THADA: variants seen among roughly 807,000 people sequenced by gnomAD.
THADA encodes the protein THADA armadillo repeat containing.
In THADA, 213 loss-of-function variants were observed where a neutral mutation model predicts 219.8. The ratio of observed to expected loss-of-function variants is 0.97; its 90% CI spans 0.87 to 1.09. The LOEUF (loss-of-function observed/expected upper bound fraction) is 1.09, where lower values mean the gene tolerates loss of function less well. THADA is among the 50% of genes least tolerant of loss of function. The pLI is 0.00. For synonymous variants in THADA, 1,018 were observed against 828.9 expected, an observed-to-expected ratio of 1.23 and a Z score of -3.92; for missense variants, 2,956 against 2,311.3, an observed-to-expected ratio of 1.28 and a Z score of -5.72.
chr2:43,343,181 C>T (rs1397403623), intron 30 of THADA: 3 of 152,206 alleles, frequency 2.0e-5, no homozygotes, highest in African/African-American at 7.2e-5. Context: ...GCATGCACCA[C>T]CATACCTGGC....
At chr2:43,408,472 T>C (rs1196376075) in intron 28 of THADA, 1 of 152,220 alleles carries the variant, frequency 6.6e-6, no homozygotes, top group Non-Finnish European at 1.5e-5. Context: ...GTCAGCACAT[T>C]GGCAGAATTT....
intron 31 of THADA, among the ~76,000 whole-genome samples, chr2:43,314,983 C>T (rs1156742985): frequency 6.6e-6 from 1 of 152,240 alleles, no homozygotes; most frequent in Non-Finnish European, 1.5e-5. Flanking sequence ...ATAATCTTCT[C>T]TGCCTTTCTC....
intron 31 of THADA, among the ~76,000 whole-genome samples, chr2:43,303,592 T>A (rs951621417): frequency 6.6e-6 from 1 of 152,006 alleles, no homozygotes; most frequent in Admixed American, 6.6e-5. Flanking sequence ...ATATAATTTT[T>A]AAAAGATGCA....
intron 28 of THADA, among the ~76,000 whole-genome samples, chr2:43,415,385 T>C (rs1471681671): frequency 6.6e-6 from 1 of 152,286 alleles, no homozygotes; most frequent in Non-Finnish European, 1.5e-5. Context: ...TGGAGTCACA[T>C]CTGGCCCTTC....
chr2:43,477,403 T>C (rs1210267226), intron 26 of THADA, among the ~76,000 whole-genome samples: 1 of 152,218 alleles, frequency 6.6e-6, no homozygotes, highest in Non-Finnish European at 1.5e-5. Context: ...TCAGCATTTC[T>C]AGTCAGTGAA....
intron 19 of THADA, 30 bp downstream of exon 19, chr2:43,551,759 C>A (rs1376286080): frequency 1.3e-6 from 2 of 1,597,332 alleles, no homozygotes; most frequent in South Asian, 2.3e-5. Flanking sequence ...CAAACCACAG[C>A]ACTCTAGCCG....
chr2:43,450,493 T>C (rs1015175295), intron 26 of THADA, among the ~76,000 whole-genome samples: 1 of 151,732 alleles, frequency 6.6e-6, no homozygotes, highest in Admixed American at 6.6e-5. Flanking sequence ...AAAATAGTTA[T>C]AGAATATACA....
At chr2:43,476,810 T>A (rs189199250) in intron 26 of THADA, among the ~76,000 whole-genome samples, 9 of 152,320 alleles carry the variant, frequency 5.9e-5, no homozygotes, top group African/African-American at 2.2e-4. Context: ...ATAGGCACTA[T>A]CTTCCCCATA....
At chr2:43,384,213 A>G (rs1672368942) in intron 29 of THADA, among the ~76,000 whole-genome samples, 1 of 152,200 alleles carries the variant, frequency 6.6e-6, no homozygotes, top group African/African-American at 2.4e-5. Flanking sequence ...GTAACAAAGT[A>G]AATCACACAT....
chr2:43,588,292 C>CAA (rs59607755), intron 4 of THADA, among the ~76,000 whole-genome samples: 21 of 98,740 alleles, frequency 2.1e-4, no homozygotes, highest in African/African-American at 6.3e-4. Flanking sequence ...AAAAGTTGAG[C>CAA]AAAAAAAAAA....
Position 43,289,813 on chromosome 2 carries a change from G to C in THADA, c.5010+1883C>G, listed in dbSNP as rs556629748. Among the ~76,000 whole-genome samples, 5 of 151,896 alleles carry C rather than the reference G, an allele frequency of 3.3e-5. No individual in the cohort carries two copies. In the South Asian group the frequency reaches 1.0e-3, roughly 32 times the overall value. ...ATTACGGGCGCATACCACCACATCTGGCTAATTTTTATAATTTTTAGTAGA... is the reference window on the plus strand; with the variant it reads ...ATTACGGGCGCATACCACCACATCTCGCTAATTTTTATAATTTTTAGTAGA... On this transcript the variant is annotated intron_variant, in intron 34 of 37. Coordinates refer to ENST00000405975, the MANE Select transcript of THADA (RefSeq NM_022065.5).
chr2:43,294,001 C>T (rs1182500180), intron 31 of THADA, among the ~76,000 whole-genome samples: 1 of 152,202 alleles, frequency 6.6e-6, no homozygotes, highest in Non-Finnish European at 1.5e-5. Context: ...ACAAAGTCAA[C>T]TGAAACCACA....
chr2:43,364,228 T>G (rs1348467364), intron 29 of THADA, among the ~76,000 whole-genome samples: 1 of 151,742 alleles, frequency 6.6e-6, no homozygotes, highest in Non-Finnish European at 1.5e-5. Flanking sequence ...GTCTCAAAAA[T>G]AAAAGAAAAT....
intron 36 of THADA, among the ~76,000 whole-genome samples, chr2:43,261,944 G>A (rs1313554931): frequency 6.6e-6 from 1 of 151,954 alleles, no homozygotes; most frequent in South Asian, 2.1e-4. Context: ...GCAATTTTTT[G>A]TATTTTTAGT....
chr2:43,432,912 T>C (rs1306656969), intron 26 of THADA, among the ~76,000 whole-genome samples: 1 of 152,212 alleles, frequency 6.6e-6, no homozygotes, highest in East Asian at 1.9e-4. Context: ...CTTCTTCTAG[T>C]CTGTGGCTTG....
At chr2:43,286,613 T>C (rs565840318) in intron 35 of THADA, among the ~76,000 whole-genome samples, 1 of 152,128 alleles carries the variant, frequency 6.6e-6, no homozygotes, top group African/African-American at 2.4e-5. Context: ...TGGTGATGGC[T>C]ACTCAGGAGA....
intron 29 of THADA, among the ~76,000 whole-genome samples, chr2:43,385,439 T>C (rs1672537973): frequency 6.6e-6 from 1 of 151,790 alleles, no homozygotes. Flanking sequence ...ACCCCGTCTC[T>C]ACTAAAAATA....
intron 26 of THADA, chr2:43,430,778 C>T (rs1333521843): frequency 9.7e-6 from 3 of 310,584 alleles, no homozygotes; most frequent in Non-Finnish European, 2.0e-5. Context: ...TGTTTAGCAG[C>T]CTCCGTGGCT....
At chr2:43,327,375 C>T (rs923623899) in intron 30 of THADA, among the ~76,000 whole-genome samples, 1 of 150,292 alleles carries the variant, frequency 6.7e-6, no homozygotes, top group African/African-American at 2.5e-5. Flanking sequence ...CACCAGCAGG[C>T]CCATAACGGG....
Sources: allele counts gnomAD v4.1 joint callset (sites outside exome capture counted in the v4.1 genomes callset), GRCh38; gene constraint gnomAD v4.1.1; transcripts MANE v1.5; gene names NCBI Gene and HGNC (gene_info 2026-07-23, HGNC 2026-07-21).